Variants in MGMT observed in about 807,000 individuals in gnomAD.
MGMT encodes O-6-methylguanine-DNA methyltransferase, also known as methylated-DNA--protein-cysteine methyltransferase.
Under a neutral mutation model 15.9 loss-of-function variants are expected in MGMT, and 14 were observed. The ratio of observed to expected loss-of-function variants is 0.88; its 90% CI spans 0.58 to 1.37. The LOEUF (loss-of-function observed/expected upper bound fraction) is 1.37, where lower values mean the gene tolerates loss of function less well. Ranked by LOEUF, MGMT falls within the 40% of genes most tolerant of loss-of-function variation. MGMT has a pLI of 0.00. For synonymous variants in MGMT, 130 were observed against 118.2 expected, an observed-to-expected ratio of 1.10 and a Z score of -0.65; for missense variants, 282 against 268.1, an observed-to-expected ratio of 1.05 and a Z score of -0.36.
intron 3 of MGMT, among the ~76,000 whole-genome samples, chr10:129,743,277 C>A (rs190132916): frequency 3.2e-4 from 49 of 152,352 alleles, no homozygotes; most frequent in African/African-American, 1.2e-3. Flanking sequence ...TGCCGGCGAA[C>A]GCCACCATTT....
At position 129,597,672 on chromosome 10, in the gene MGMT, C is replaced by T. The variant is rs2133058660; in HGVS notation, c.125+61295C>T. Among the ~76,000 whole-genome samples the T allele has an allele frequency of 2.0e-5, 3 of 152,250 alleles. No individual in the cohort carries two copies. The Middle Eastern group carries it at 0.01, about 518-fold the overall frequency. ...CAACAGCCATGGGCTAGATCTTGTC[C>T]ACCAGCTGTTTTTGCATGATCAGGA... On this transcript the variant is annotated intron_variant, in intron 2 of 4. Coordinates refer to ENST00000651593, the MANE Select transcript of MGMT (RefSeq NM_002412.5).
intron 2 of MGMT, among the ~76,000 whole-genome samples, chr10:129,544,990 C>G (rs558671797): frequency 6.6e-6 from 1 of 152,178 alleles, no homozygotes; most frequent in Non-Finnish European, 1.5e-5. Context: ...GGACTGGCAC[C>G]TGTGGAATAG....
intron 2 of MGMT, among the ~76,000 whole-genome samples, chr10:129,561,106 A>G (rs958526978): frequency 6.6e-6 from 1 of 151,878 alleles, no homozygotes. Flanking sequence ...TTCACCCTCT[A>G]CCTGCAGTTG....
intron 2 of MGMT, among the ~76,000 whole-genome samples, chr10:129,635,849 A>T (rs1847259365): frequency 6.6e-6 from 1 of 152,186 alleles, no homozygotes; most frequent in Non-Finnish European, 1.5e-5. Flanking sequence ...CCAGGCCTGC[A>T]TCTGTCAGAG....
chr10:129,696,099 C>A (rs115511256), intron 2 of MGMT, among the ~76,000 whole-genome samples: 91 of 152,228 alleles, frequency 6.0e-4, no homozygotes, highest in African/African-American at 2.0e-3. Context: ...TCACTGGGAC[C>A]TCTTCACTCC....
intron 1 of MGMT, among the ~76,000 whole-genome samples, chr10:129,509,884 G>A (rs978283014): frequency 1.3e-5 from 2 of 152,252 alleles, no homozygotes; most frequent in Non-Finnish European, 2.9e-5. Flanking sequence ...GAATGAAAAG[G>A]AAGAGCAGCA....
intron 2 of MGMT, among the ~76,000 whole-genome samples, chr10:129,697,587 A>G (rs1848046581): frequency 6.6e-6 from 1 of 152,214 alleles, no homozygotes; most frequent in African/African-American, 2.4e-5. Context: ...GGCACATGTT[A>G]GGCACTCAGT....
chr10:129,467,373 G>A, intron 1 of MGMT, 77 bp downstream of exon 1: 1 of 1,415,486 alleles, frequency 7.1e-7, no homozygotes, highest in South Asian at 1.5e-5. Flanking sequence ...GAGTGGTCCT[G>A]CAGGCGCCCT....
At chr10:129,719,905 T>G (rs896360175) in intron 3 of MGMT, among the ~76,000 whole-genome samples, 3 of 152,190 alleles carry the variant, frequency 2.0e-5, no homozygotes, top group African/African-American at 7.2e-5. Context: ...AAGAAATACC[T>G]GCTTATTTCA....
At chr10:129,620,420 A>G (rs1222518509) in intron 2 of MGMT, among the ~76,000 whole-genome samples, 5 of 152,272 alleles carry the variant, frequency 3.3e-5, no homozygotes, top group South Asian at 2.1e-4. Context: ...CAGTCGAGAA[A>G]GGAGTGTCGA....
intron 2 of MGMT, among the ~76,000 whole-genome samples, chr10:129,579,290 A>G (rs770134929): frequency 7.9e-5 from 12 of 152,230 alleles, no homozygotes; most frequent in Non-Finnish European, 1.5e-4. Flanking sequence ...CCTTTCACAC[A>G]GTCGCCTGGC....
At chr10:129,598,859 A>G (rs1407987303) in intron 2 of MGMT, among the ~76,000 whole-genome samples, 1 of 152,154 alleles carries the variant, frequency 6.6e-6, no homozygotes, top group Non-Finnish European at 1.5e-5. Flanking sequence ...CAGGTGCTGA[A>G]CACATGCCCT....
At chr10:129,739,983 C>T (rs1848612109) in intron 3 of MGMT, among the ~76,000 whole-genome samples, 3 of 152,178 alleles carry the variant, frequency 2.0e-5, no homozygotes, top group Admixed American at 6.5e-5. Context: ...CACTGGGGGC[C>T]CAGGATGGGC....
chr10:129,536,121 A>G, intron 1 of MGMT, 120 bp from the exon 2 acceptor site: 1 of 1,194,156 alleles, frequency 8.4e-7, no homozygotes, highest in Non-Finnish European at 1.2e-6. Context: ...ATAATTCCAA[A>G]AATGAGGAAG....
chr10:129,639,693 T>A (rs562274543), intron 2 of MGMT, among the ~76,000 whole-genome samples: 14 of 152,260 alleles, frequency 9.2e-5, no homozygotes, highest in African/African-American at 3.4e-4. Flanking sequence ...AAGTGTGCTT[T>A]GAGGGAAATT....
At chr10:129,513,181 A>G (rs1214363646) in intron 1 of MGMT, among the ~76,000 whole-genome samples, 1 of 152,214 alleles carries the variant, frequency 6.6e-6, no homozygotes, top group African/African-American at 2.4e-5. Context: ...GTCCACAGAC[A>G]TGAGGCACCC....
intron 2 of MGMT, among the ~76,000 whole-genome samples, chr10:129,672,717 C>T (rs751431622): frequency 1.5e-4 from 23 of 152,106 alleles, no homozygotes; most frequent in Non-Finnish European, 3.4e-4. Flanking sequence ...AATTTGAGAT[C>T]TTAGCTTTTT....
At chr10:129,704,807 G>A (rs935286441) in intron 2 of MGMT, among the ~76,000 whole-genome samples, 6 of 151,668 alleles carry the variant, frequency 4.0e-5, no homozygotes, top group East Asian at 1.9e-4. Context: ...CGAGGATCTC[G>A]GCAGAGACTT....
chr10:129,629,413 G>T (rs939683255), intron 2 of MGMT, among the ~76,000 whole-genome samples: 1 of 152,110 alleles, frequency 6.6e-6, no homozygotes, highest in Admixed American at 6.5e-5. Flanking sequence ...TTCATTGTCC[G>T]TGGTAGTACA....
Sources: allele counts gnomAD v4.1 joint callset (sites outside exome capture counted in the v4.1 genomes callset), GRCh38; gene constraint gnomAD v4.1.1; transcripts MANE v1.5; gene names NCBI Gene and HGNC (gene_info 2026-07-23, HGNC 2026-07-21).